Variants in SH3BP4 observed in about 807,000 individuals in gnomAD.
The protein encoded by SH3BP4 is SH3 domain-binding protein 4.
Under a neutral mutation model 65.5 loss-of-function variants are expected in SH3BP4, and 33 were observed. The ratio of observed to expected loss-of-function variants is 0.50; its 90% CI spans 0.38 to 0.67. SH3BP4 has a LOEUF of 0.67. SH3BP4 is among the 30% of genes least tolerant of loss of function. The pLI, the probability that SH3BP4 is intolerant of heterozygous loss-of-function variation, is 0.00. For synonymous variants in SH3BP4, 552 were observed against 545.5 expected (o/e 1.01, Z -0.17); for missense variants, 1,134 against 1,261.4 (o/e 0.90, Z 1.53).
At chr2:235,032,034 C>G (rs11888319) in intron 2 of SH3BP4, among the ~76,000 whole-genome samples, 41,166 of 152,194 alleles carry the variant, frequency 0.27, 7,054 homozygotes, top group African/African-American at 0.48. Flanking sequence ...TGAGGCGGCG[C>G]GGTGGCCGAG....
At chr2:235,038,387 A>ATTT (rs1226486366) in intron 3 of SH3BP4, among the ~76,000 whole-genome samples, 1 of 14,146 alleles carries the variant, frequency 7.1e-5, no homozygotes, top group East Asian at 6.4e-3. Flanking sequence ...ATATATATAT[A>ATTT]TATATATATA....
At chr2:235,020,502 A>G (rs1441872933) in intron 2 of SH3BP4, among the ~76,000 whole-genome samples, 3 of 152,204 alleles carry the variant, frequency 2.0e-5, no homozygotes, top group Non-Finnish European at 4.4e-5. Context: ...GTCTGGAAAA[A>G]AAAGAGCAGA....
chr2:234,955,292 A>T (rs1002016567), intron 1 of SH3BP4, among the ~76,000 whole-genome samples: 5 of 152,078 alleles, frequency 3.3e-5, no homozygotes, highest in African/African-American at 9.7e-5. Context: ...GCTTCTGGGG[A>T]GCTGGGCTAG....
intron 2 of SH3BP4, among the ~76,000 whole-genome samples, chr2:235,024,357 G>A (rs184712535): frequency 1.2e-3 from 179 of 152,314 alleles, no homozygotes; most frequent in Non-Finnish European, 2.0e-3. Context: ...GTGTGTTGGC[G>A]CTTTTTCAGC....
intron 1 of SH3BP4, among the ~76,000 whole-genome samples, chr2:234,975,569 CAA>C (rs927192669): frequency 1.4e-4 from 21 of 152,154 alleles, no homozygotes; most frequent in Admixed American, 1.0e-3. Context: ...CTTTGAGGGT[CAA>C]AAATTGAATG....
At chr2:235,040,140 C>G (rs1291148419) in intron 3 of SH3BP4, among the ~76,000 whole-genome samples, 2 of 152,164 alleles carry the variant, frequency 1.3e-5, no homozygotes, top group African/African-American at 4.8e-5. Flanking sequence ...GAGGCTGAGG[C>G]AGGAGAATCA....
Position 235,003,958 on chromosome 2 carries a change from A to G in SH3BP4, c.-133+8582A>G, listed in dbSNP as rs541934045. Among the ~76,000 whole-genome samples the G allele has an allele frequency of 7.2e-4, 109 of 152,280 alleles. 2 individuals carry two copies. The South Asian group carries it at 0.022, about 30-fold the overall frequency. ...CCTAGGTACCTGCCCTCTGTGGGGT[A>G]CATTGCTCCAGTGGGACTGCAGGCT... On this transcript the variant is annotated intron_variant, in intron 2 of 5. Transcript: ENST00000392011.
chr2:234,963,775 T>A (rs1007176952), intron 1 of SH3BP4, among the ~76,000 whole-genome samples: 56 of 152,296 alleles, frequency 3.7e-4, no homozygotes, highest in African/African-American at 1.3e-3. Context: ...CAGGGTCATG[T>A]CGTCATGGGT....
chr2:234,968,376 TC>T lies in SH3BP4; in HGVS notation c.-207+16207del, dbSNP rs370774395. Among the ~76,000 whole-genome samples the T allele has an allele frequency of 4.7e-5, 7 of 147,770 alleles. No homozygotes were observed. In the East Asian group the frequency reaches 1.3e-3, roughly 27 times the overall value. ...GGAGTCTTTAACTCAACAGAGTTGT[TC>T]TTTTTTTTTTTTTTTTTTCAAGTTG... is the stretch of plus-strand genomic sequence containing the variant. On this transcript the variant is annotated intron_variant, in intron 1 of 5. Coordinates refer to ENST00000392011, the MANE Select transcript of SH3BP4 (RefSeq NM_014521.3).
chr2:235,016,197 G>A (rs1053202382), intron 2 of SH3BP4, among the ~76,000 whole-genome samples: 1 of 152,056 alleles, frequency 6.6e-6, no homozygotes, highest in Non-Finnish European at 1.5e-5. Context: ...ACTGGGCCCA[G>A]GGGAGCTTGC....
At chr2:235,047,569 C>T (rs946459333) in intron 4 of SH3BP4, among the ~76,000 whole-genome samples, 5 of 152,188 alleles carry the variant, frequency 3.3e-5, no homozygotes, top group Non-Finnish European at 7.3e-5. Flanking sequence ...TCCCAATTCT[C>T]GGGATACTGT....
intron 4 of SH3BP4, among the ~76,000 whole-genome samples, chr2:235,044,957 C>G (rs1166670586): frequency 6.6e-6 from 1 of 152,222 alleles, no homozygotes; most frequent in African/African-American, 2.4e-5. Context: ...AATCACTGCA[C>G]TTGGGTGGGG....
rs1395675788 is a variant in SH3BP4 at position 235,042,819 on chromosome 2, G to A, written c.2050G>A (p.Ala684Thr). 15 of 1,613,882 alleles carry A rather than the reference G, an allele frequency of 9.3e-6. No individual in the cohort carries two copies. Among genetic ancestry groups the A allele is most frequent in the East Asian group, 2.2e-5 (1 of 44,884 alleles). The part of the protein sequence containing the change: ...LLEYKKGDGI[A>T]LLSEERVRLR... ...GGAGTACAAGAAGGGCGACGGGATC[G>A]CCCTGCTCAGCGAGGAGCGGGTCAG... Residue 684 changes from alanine to threonine, a missense_variant, in exon 4 of 6, where the codon GCC (alanine) becomes ACC (threonine). Ala to Thr is a moderately conservative substitution (Grantham distance 58). Coordinates refer to ENST00000392011, the MANE Select transcript of SH3BP4 (RefSeq NM_014521.3). The surrounding 1 kb of genome is among the most constrained non-coding windows in gnomAD (Gnocchi z 7.3).
chr2:235,041,440 A>T lies in SH3BP4; in HGVS notation c.671A>T (p.Asn224Ile). The change falls in exon 4 of 6, where the codon AAC (asparagine) becomes ATC (isoleucine). Residue 224 changes from asparagine to isoleucine, a missense_variant. Physicochemically the swap from Asn to Ile is moderately radical, Grantham distance 149 (BLOSUM62 -3). Coordinates refer to ENST00000392011, the MANE Select transcript of SH3BP4 (RefSeq NM_014521.3). This position sits in a 1 kb window ranked among gnomAD's most constrained non-coding sequence, Gnocchi z 6.0. Reference protein sequence around the residue: ...GNIFDELPVTNGLHAEPPVRR... With the variant: ...GNIFDELPVTIGLHAEPPVRR... ...ATCTTCGATGAGCTTCCAGTCACAA[A>T]CGGACTCCACGCAGAGCCGCCGGTC... is the stretch of plus-strand genomic sequence containing the variant. 8 of 1,614,074 alleles carry T rather than the reference A, an allele frequency of 5.0e-6. No homozygotes were observed. Among genetic ancestry groups the T allele is most frequent in the Non-Finnish European group, 6.8e-6 (8 of 1,180,014 alleles).
In SH3BP4 at chr2:235,034,914, G is replaced by A; in HGVS notation, c.-89G>A. ...GTGGATGCCGCCGCGCAGCGTGTTT[G>A]CTTGAGGCAGAAGCTTCAGCATCTG... On this transcript the variant is annotated 5_prime_UTR_variant, in exon 3 of 6. Transcript: ENST00000392011. The surrounding 1 kb of genome is among the most constrained non-coding windows in gnomAD (Gnocchi z 6.2). 8.8e-7 allele frequency: 1 copy of A among 1,131,950 alleles called. No individual in the cohort carries two copies. Among genetic ancestry groups the A allele is most frequent in the Non-Finnish European group, 1.3e-6 (1 of 758,756 alleles). 70.1% of individuals were successfully genotyped at this position (1,131,950 alleles called of 1,614,324 possible). A position where few individuals can be genotyped will look rare whatever the true frequency, so the allele number is the denominator to read the frequency against.
intron 1 of SH3BP4, among the ~76,000 whole-genome samples, chr2:234,989,987 A>G (rs1163538788): frequency 2.0e-5 from 3 of 152,242 alleles, no homozygotes; most frequent in Non-Finnish European, 4.4e-5. Flanking sequence ...CTAATCTCAC[A>G]TGACAGGTTG....
intron 1 of SH3BP4, among the ~76,000 whole-genome samples, chr2:234,986,137 C>T (rs1693552850): frequency 6.6e-6 from 1 of 152,118 alleles, no homozygotes; most frequent in Admixed American, 6.5e-5. Context: ...GGTGAACCAG[C>T]CCTCCACTCA....
Position 235,045,428 on chromosome 2 carries a change from G to A in SH3BP4, c.2478+2181G>A, listed in dbSNP as rs1040029553. On this transcript the variant is annotated intron_variant, in intron 4 of 5. Transcript: ENST00000392011. The surrounding 1 kb of genome is among the most constrained non-coding windows in gnomAD (Gnocchi z 4.3). ...CAAACTCTCTCAATTCGATTGGTGAGCATCTCTGGGAGGGGATTTTTTGGT... is the reference window on the plus strand; with the variant it reads ...CAAACTCTCTCAATTCGATTGGTGAACATCTCTGGGAGGGGATTTTTTGGT... Among the ~76,000 whole-genome samples the A allele has an allele frequency of 3.3e-5, 5 of 152,160 alleles. No homozygotes were observed. Among genetic ancestry groups the A allele is most frequent in the African/African-American group, 1.2e-4 (5 of 41,442 alleles).
intron 4 of SH3BP4, among the ~76,000 whole-genome samples, chr2:235,051,858 G>T (rs1436455687): frequency 6.6e-6 from 1 of 152,090 alleles, no homozygotes; most frequent in African/African-American, 2.4e-5. Flanking sequence ...GTGTCTATTT[G>T]GTGAAATGCA....
Sources: gnomAD v4.1 joint callset for allele counts (sites outside exome capture counted in the v4.1 genomes callset) on GRCh38, gnomAD v4.1.1 for gene constraint, Gnocchi (gnomAD v3.1) non-coding constraint, MANE v1.5 for transcripts, NCBI Gene and HGNC (gene_info 2026-07-23, HGNC 2026-07-21) for gene names.